Variants in ZNF569 observed in about 807,000 individuals in gnomAD.
ZNF569 encodes the protein zinc finger protein 569, also known as DNA-binding protein.
In ZNF569, 38 loss-of-function variants were observed where a neutral mutation model predicts 56.3. The observed-to-expected ratio is 0.68, with a 90% CI of 0.52 to 0.88. ZNF569 has a LOEUF of 0.88. Among genes scored for constraint, ZNF569 ranks in the 40% least tolerant of loss-of-function variants. ZNF569 has a pLI of 0.00. For missense variants in ZNF569, 666 were observed against 809.2 expected, an observed-to-expected ratio of 0.82 and a Z score of 2.15; for synonymous variants, 241 against 262.9, an observed-to-expected ratio of 0.92 and a Z score of 0.81.
At chr19:37,418,101 A>AAATAAT (rs199794961) in intron 5 of ZNF569, among the ~76,000 whole-genome samples, 4,498 of 143,242 alleles carry the variant, frequency 0.031, 84 homozygotes, top group African/African-American at 0.048. Flanking sequence ...ACTCCATCTC[A>AAATAAT]AATAATAATA....
chr19:37,437,728 G>A (rs1321406296), intron 3 of ZNF569, among the ~76,000 whole-genome samples: 2 of 152,020 alleles, frequency 1.3e-5, no homozygotes, highest in East Asian at 1.9e-4. Context: ...AATATTTTCA[G>A]TAGCTAAAAG....
At chr19:37,448,820 C>T (rs1157671794) in intron 2 of ZNF569, among the ~76,000 whole-genome samples, 1 of 152,118 alleles carries the variant, frequency 6.6e-6, no homozygotes, top group Non-Finnish European at 1.5e-5. Flanking sequence ...ACCTCAGCCT[C>T]CCAAAGAGCC....
chr19:37,431,672 A>G (rs2041226892), intron 3 of ZNF569: 1 of 152,256 alleles, frequency 6.6e-6, no homozygotes. Context: ...AGGGCAAAGT[A>G]TAGGGAACTT....
intron 3 of ZNF569, among the ~76,000 whole-genome samples, chr19:37,444,548 C>T (rs2041462042): frequency 6.6e-6 from 1 of 152,128 alleles, no homozygotes; most frequent in Non-Finnish European, 1.5e-5. Flanking sequence ...GGTTTATCAA[C>T]TACAAGAAGT....
chr19:37,463,691 C>T, intron 2 of ZNF569, among the ~76,000 whole-genome samples: 1 of 152,090 alleles, frequency 6.6e-6, no homozygotes, highest in East Asian at 1.9e-4. Flanking sequence ...ACATTATTAT[C>T]ACAGGAGATG....
chr19:37,419,969 C>CTTT (rs60568702), intron 5 of ZNF569, among the ~76,000 whole-genome samples: 129 of 100,588 alleles, frequency 1.3e-3, no homozygotes, highest in Non-Finnish European at 1.6e-3. Context: ...TCTTTTCTTT[C>CTTT]TTTTTTTTTT....
chr19:37,468,279 A>G (rs1278803322), upstream of ZNF569, among the ~76,000 whole-genome samples: 1 of 151,920 alleles, frequency 6.6e-6, no homozygotes, highest in African/African-American at 2.4e-5. Flanking sequence ...AGTAGAGATA[A>G]GGTCTCGCTA....
intron 2 of ZNF569, among the ~76,000 whole-genome samples, chr19:37,447,656 G>C: frequency 6.6e-6 from 1 of 152,148 alleles, no homozygotes; most frequent in South Asian, 2.1e-4. Flanking sequence ...TAGTAAGAGA[G>C]GACATCCTTG....
At chr19:37,445,351 T>C (rs74392067) in intron 2 of ZNF569, among the ~76,000 whole-genome samples, 2,605 of 152,294 alleles carry the variant, frequency 0.017, 71 homozygotes, top group African/African-American at 0.059. Flanking sequence ...TAAAAGGTGA[T>C]ATATCTTGAG....
chr19:37,432,898 A>G (rs1243870961), intron 3 of ZNF569, among the ~76,000 whole-genome samples: 1 of 150,568 alleles, frequency 6.6e-6, no homozygotes, highest in Non-Finnish European at 1.5e-5. Flanking sequence ...TAAAGAATGC[A>G]TCAGTCTTTT....
At chr19:37,438,686 C>T (rs2041353528) in intron 3 of ZNF569, among the ~76,000 whole-genome samples, 1 of 152,090 alleles carries the variant, frequency 6.6e-6, no homozygotes, top group African/African-American at 2.4e-5. Flanking sequence ...GGATAATGGA[C>T]TGGGCAAAGG....
chr19:37,466,285 A>G (rs1255388790), intron 1 of ZNF569, among the ~76,000 whole-genome samples: 2 of 152,236 alleles, frequency 1.3e-5, no homozygotes, highest in Non-Finnish European at 2.9e-5. Flanking sequence ...CGAAAATAAA[A>G]TTAAAAATAA....
At chr19:37,444,868 A>T in intron 3 of ZNF569, 39 bp downstream of exon 3, 2 of 1,524,602 alleles carry the variant, frequency 1.3e-6, no homozygotes, top group Non-Finnish European at 1.8e-6. Context: ...ATTGCATTGG[A>T]GAGTAAGGCA....
At chr19:37,462,462 C>G (rs1040966447) in intron 2 of ZNF569, among the ~76,000 whole-genome samples, 1 of 151,468 alleles carries the variant, frequency 6.6e-6, no homozygotes, top group African/African-American at 2.4e-5. Context: ...GACTTGATAT[C>G]TCCAACGTTT....
chr19:37,467,674 C>G, upstream of ZNF569: 2 of 610,340 alleles, frequency 3.3e-6, no homozygotes, highest in Non-Finnish European at 5.9e-6. Flanking sequence ...CAGCTGGAGC[C>G]TTAAGGTCCT....
intron 3 of ZNF569, among the ~76,000 whole-genome samples, chr19:37,439,758 A>G: frequency 6.6e-6 from 1 of 152,230 alleles, no homozygotes; most frequent in Admixed American, 6.5e-5. Flanking sequence ...TTGCAACAAC[A>G]TGGATGCAAC....
intron 2 of ZNF569, among the ~76,000 whole-genome samples, chr19:37,456,617 A>C (rs2041674103): frequency 6.6e-6 from 1 of 151,792 alleles, no homozygotes; most frequent in Non-Finnish European, 1.5e-5. Context: ...CCTCTAGTTC[A>C]CTCTAAACAT....
chr19:37,445,222 A>G (rs992766818), intron 2 of ZNF569, among the ~76,000 whole-genome samples: 11 of 152,236 alleles, frequency 7.2e-5, no homozygotes, highest in African/African-American at 2.4e-4. Flanking sequence ...TAGCATCATG[A>G]AAGCATATAT....
chr19:37,458,709 A>G (rs1277484203), intron 2 of ZNF569, among the ~76,000 whole-genome samples: 2 of 152,230 alleles, frequency 1.3e-5, no homozygotes, highest in African/African-American at 4.8e-5. Flanking sequence ...CACAACCTAT[A>G]TAAGAAAAGA....
Sources: allele counts gnomAD v4.1 joint callset (sites outside exome capture counted in the v4.1 genomes callset), GRCh38; gene constraint gnomAD v4.1.1; transcripts MANE v1.5; gene names NCBI Gene and HGNC (gene_info 2026-07-23, HGNC 2026-07-21).